LIFR: variants seen among roughly 807,000 people sequenced by gnomAD.
LIFR encodes the protein LIF receptor subunit alpha.
A neutral mutation model predicts 122.2 loss-of-function variants in LIFR; 84 were observed. The ratio of observed to expected loss-of-function variants is 0.69; its 90% confidence interval spans 0.58 to 0.82. The LOEUF (loss-of-function observed/expected upper bound fraction) is 0.82. Among genes scored for constraint, LIFR ranks in the 40% least tolerant of loss-of-function variants. The pLI is 0.00. For synonymous variants in LIFR, 422 were observed against 434.7 expected, an observed-to-expected ratio of 0.97 and a Z score of 0.36; for missense variants, 1,294 against 1,311.6, an observed-to-expected ratio of 0.99 and a Z score of 0.21.
intron 1 of LIFR, among the ~76,000 whole-genome samples, chr5:38,538,133 G>C (rs560134892): frequency 2.6e-5 from 4 of 152,256 alleles, no homozygotes; most frequent in Non-Finnish European, 2.9e-5. Flanking sequence ...CCTCTAAGTG[G>C]TTACCACTTA....
chr5:38,542,660 T>A (rs906418751), intron 1 of LIFR, among the ~76,000 whole-genome samples: 1 of 152,118 alleles, frequency 6.6e-6, no homozygotes, highest in African/African-American at 2.4e-5. Context: ...CCCAGTGCCA[T>A]CTCTGTGCAC....
At chr5:38,532,947 C>A (rs1430931236) in intron 1 of LIFR, among the ~76,000 whole-genome samples, 1 of 152,172 alleles carries the variant, frequency 6.6e-6, no homozygotes, top group Non-Finnish European at 1.5e-5. Context: ...AATTAGGATG[C>A]AGCAACAGGG....
At chr5:38,526,686 C>T (rs191709027) in intron 4 of LIFR, among the ~76,000 whole-genome samples, 1 of 152,134 alleles carries the variant, frequency 6.6e-6, no homozygotes, top group African/African-American at 2.4e-5. Context: ...TTTTCTTATC[C>T]CAATACTGTT....
At chr5:38,584,713 A>T (rs1355798610) in intron 1 of LIFR, among the ~76,000 whole-genome samples, 3 of 152,194 alleles carry the variant, frequency 2.0e-5, no homozygotes, top group African/African-American at 7.2e-5. Context: ...CAGTGGGGAG[A>T]AAATAGGGAG....
In LIFR at chr5:38,481,907, G is replaced by C; in HGVS notation, c.2982C>G (p.Asp994Glu). 6.2e-7 allele frequency: 1 copy of C among 1,614,108 alleles called. No homozygotes were observed. The highest frequency in any genetic ancestry group is 2.2e-5 in the East Asian group (1 of 44,888). The part of the protein sequence containing the change: ...QAKPEEEQEN[D>E]PVGGAGYKPQ... ...GCTTATAGCCTGCCCCTCCTACAGG[G>C]TCATTTTCTTGTTCTTCTTCTGGTT... Residue 994 changes from aspartate to glutamate, a missense_variant, in exon 20 of 20, where the codon GAC becomes GAG. Asp to Glu is a conservative substitution (Grantham distance 45). Transcript: ENST00000453190.
At position 38,477,657 on chromosome 5, in the gene LIFR, G is replaced by A. The variant is rs1446766192; in HGVS notation, c.*3938C>T. 2 of 214,984 alleles carry A rather than the reference G, an allele frequency of 9.3e-6. No individual in the cohort carries two copies. Among genetic ancestry groups the A allele is most frequent in the Non-Finnish European group, 1.9e-5 (2 of 106,398 alleles). 13.3% of individuals were successfully genotyped at this position (214,984 alleles called of 1,614,324 possible). ...TCACTCAAACCGTGGAGTCACTTCC[G>A]AAGTAGATTTGAATCTTTGAGTCAA... On this transcript the variant is annotated 3_prime_UTR_variant, in exon 20 of 20. Coordinates refer to ENST00000453190, the MANE Select transcript of LIFR (RefSeq NM_001127671.2).
rs1580184266 is a variant in LIFR, at chr5:38,556,614, C to T, written c.-300G>A. On this transcript the variant is annotated 5_prime_UTR_variant, in exon 1 of 20. Transcript: ENST00000453190. The stretch of plus-strand genomic sequence containing the variant: ...GCCTCCCAGAGGCAACGGTAACGGC[C>T]ACCGCCACGGCCGAGTCGCTCCAGC... The T allele has an allele frequency of 1.3e-5, 2 of 148,864 alleles. No homozygotes were observed. The highest frequency in any genetic ancestry group is 2.0e-4 in the East Asian group (1 of 4,992). The allele number at this position is 148,864 out of a possible 1,614,324, so 9.2% of individuals were successfully genotyped here.
chr5:38,522,170 T>C (rs1746437716), intron 5 of LIFR, among the ~76,000 whole-genome samples: 1 of 152,206 alleles, frequency 6.6e-6, no homozygotes, highest in South Asian at 2.1e-4. Flanking sequence ...TCAGTAGCTG[T>C]AGTCTGCGCT....
Position 38,481,854 on chromosome 5 carries a change from G to A in LIFR, c.3035C>T (p.Thr1012Ile). 6.2e-7 allele frequency: 1 copy of A among 1,614,160 alleles called. No homozygotes were observed. Among genetic ancestry groups the A allele is most frequent in the Non-Finnish European group, 8.5e-7 (1 of 1,180,028 alleles). ...CTCTTCTGCAGCTATATCTTCCACAGTAGAATTAATGGGGAGGTGCATCTG... is the reference window on the plus strand; with the variant it reads ...CTCTTCTGCAGCTATATCTTCCACAATAGAATTAATGGGGAGGTGCATCTG... ...KPQMHLPINSTVEDIAAEEDL... is the reference protein window; with the variant it reads ...KPQMHLPINSIVEDIAAEEDL... Residue 1012 changes from threonine (T) to isoleucine (I), a missense_variant, in exon 20 of 20, where the codon ACT (threonine) becomes ATT (isoleucine). Coordinates refer to ENST00000453190, the MANE Select transcript of LIFR (RefSeq NM_001127671.2).
chr5:38,538,028 T>A (rs1390206916), intron 1 of LIFR, among the ~76,000 whole-genome samples: 2 of 152,202 alleles, frequency 1.3e-5, no homozygotes, highest in Non-Finnish European at 2.9e-5. Context: ...GATGTTGCCT[T>A]CAAGTACATT....
rs1744728062 is a variant in LIFR at position 38,493,778 on chromosome 5, G to A, written c.1893C>T (p.Leu631=). The stretch of plus-strand genomic sequence containing the variant: ...CCATCCCAACAACTTGTTCTATTTT[G>A]AGATCATCTTCAATAAGAAAGGAGG... The part of the protein sequence containing the change: ...IASMEIPNDD[L]KIEQVVGMGK... Residue 631 remains leucine (L), a synonymous_variant, in exon 14 of 20, where the codon CTC becomes CTT. Coordinates refer to ENST00000453190, the MANE Select transcript of LIFR (RefSeq NM_001127671.2). 1 of 1,613,492 alleles carries A rather than the reference G, an allele frequency of 6.2e-7. No homozygotes were observed. The highest frequency in any genetic ancestry group is 8.5e-7 in the Non-Finnish European group (1 of 1,179,614).
chr5:38,601,380 C>A (rs1398778994), intron 2 of LIFR, among the ~76,000 whole-genome samples: 1 of 152,198 alleles, frequency 6.6e-6, no homozygotes, highest in Non-Finnish European at 1.5e-5. Context: ...CTGGTTATAG[C>A]AGCCTGAGCT....
chr5:38,529,892 T>C (rs1746909179), intron 2 of LIFR, among the ~76,000 whole-genome samples: 2 of 152,176 alleles, frequency 1.3e-5, no homozygotes, highest in South Asian at 4.1e-4. Flanking sequence ...ATTTAATGAA[T>C]GACCTTGGAG....
At chr5:38,580,607 G>A (rs1054981544) in intron 1 of LIFR, among the ~76,000 whole-genome samples, 2 of 152,022 alleles carry the variant, frequency 1.3e-5, no homozygotes, top group Non-Finnish European at 2.9e-5. Context: ...CTTCGGTCCC[G>A]TATTCTAACT....
intron 1 of LIFR, among the ~76,000 whole-genome samples, chr5:38,568,488 G>A (rs1378204413): frequency 6.6e-6 from 1 of 152,142 alleles, no homozygotes; most frequent in African/African-American, 2.4e-5. Flanking sequence ...GGATGTTGTA[G>A]GCAGGATAAA....
Position 38,490,274 on chromosome 5 carries a change from T to A in LIFR, c.2083A>T (p.Ile695Leu). 1 of 1,544,264 alleles carries A rather than the reference T, an allele frequency of 6.5e-7. No homozygotes were observed. The highest frequency in any genetic ancestry group is 8.9e-7 in the Non-Finnish European group (1 of 1,119,280). The change falls in exon 15 of 20, where the codon ATA (isoleucine) becomes TTA (leucine). Residue 695 changes from isoleucine to leucine, a missense_variant. Transcript: ENST00000453190. ...VIESDEFRPG[I>L]RYNFFLYGCR... ...CCATACAGGAAAAAATTATATCTTA[T>A]ACCTGGTCGAAACTCATCTATAGGA...
chr5:38,579,662 T>G (rs1370177238), intron 1 of LIFR: 2 of 152,164 alleles, frequency 1.3e-5, no homozygotes, highest in African/African-American at 2.4e-5. Flanking sequence ...CCTCAATAAT[T>G]TGAGGTATAC....
Position 38,490,199 on chromosome 5 carries a change from C to T in LIFR, c.2158G>A (p.Glu720Lys). The T allele has an allele frequency of 6.7e-7, 1 of 1,494,074 alleles. No individual in the cohort carries two copies. The highest frequency in any genetic ancestry group is 9.3e-7 in the Non-Finnish European group (1 of 1,077,928). The allele number at this position is 1,494,074 out of a possible 1,614,324, so 92.6% of individuals were successfully genotyped here. ...TACCCATTTAACTTACCCAATTCTT[C>T]TATATATCCAATCATGGAGCGTAAT... ...QLLRSMIGYIEELAPIVAPNF... is the reference protein window; with the variant it reads ...QLLRSMIGYIKELAPIVAPNF... Residue 720 changes from glutamate to lysine, a missense_variant, in exon 15 of 20, where the codon GAA becomes AAA. Coordinates refer to ENST00000453190, the MANE Select transcript of LIFR (RefSeq NM_001127671.2).
intron 12 of LIFR, among the ~76,000 whole-genome samples, chr5:38,498,025 T>A (rs962143558): frequency 7.9e-5 from 12 of 152,200 alleles, no homozygotes; most frequent in Admixed American, 5.2e-4. Flanking sequence ...TTCAAACCTC[T>A]TCATTTATAC....
Sources: allele counts gnomAD v4.1 joint callset (sites outside exome capture counted in the v4.1 genomes callset), GRCh38; gene constraint gnomAD v4.1.1; transcripts MANE v1.5; gene names NCBI Gene and HGNC (gene_info 2026-07-23, HGNC 2026-07-21).